The following SETD4 variants were observed in gnomAD, a reference collection of about 807,000 sequenced individuals.
The protein encoded by SETD4 is SET domain containing 4, also known as SET domain-containing protein 4.
Under a neutral mutation model 58.3 loss-of-function variants are expected in SETD4, and 46 were observed. The ratio of observed to expected loss-of-function variants is 0.79; its 90% CI spans 0.62 to 1.01. The LOEUF (loss-of-function observed/expected upper bound fraction) is 1.01, where lower values mean the gene tolerates loss of function less well. Among genes scored for constraint, SETD4 ranks in the 50% least tolerant of loss-of-function variants. SETD4 has a pLI of 0.00. For synonymous variants in SETD4, 190 were observed against 202.6 expected, an observed-to-expected ratio of 0.94 and a Z score of 0.53; for missense variants, 490 against 523.3, an observed-to-expected ratio of 0.94 and a Z score of 0.62.
At chr21:36,057,760 A>G (rs1321921837) in intron 2 of SETD4, among the ~76,000 whole-genome samples, 1 of 152,256 alleles carries the variant, frequency 6.6e-6, no homozygotes, top group Non-Finnish European at 1.5e-5. Flanking sequence ...ACAGACACAA[A>G]TAGGTCAAAG....
In SETD4 at chr21:36,041,656, G is replaced by A. The variant is rs1034620615; in HGVS notation, c.983+151C>T. On this transcript the variant is annotated intron_variant, in intron 8 of 11. Coordinates refer to ENST00000332131, the MANE Select transcript of SETD4 (RefSeq NM_017438.5). ...CCTTTTGTCCTCCACAACATCAAGC[G>A]CAGTTTTACTGCACATAGTAAGTGC... The A allele has an allele frequency of 4.4e-5, 25 of 571,476 alleles. 1 individual carries two copies. The highest frequency in any genetic ancestry group is 3.3e-4 in the South Asian group (17 of 50,956). 35.4% of individuals were successfully genotyped at this position (571,476 alleles called of 1,614,324 possible). A position where few individuals can be genotyped will look rare whatever the true frequency, so the allele number is the denominator to read the frequency against.
At chr21:36,057,275 A>G in intron 2 of SETD4, 71 bp from the exon 3 acceptor site, 1 of 1,119,318 alleles carries the variant, frequency 8.9e-7, no homozygotes, top group Non-Finnish European at 1.4e-6. Flanking sequence ...TTAAAAGAAC[A>G]TGTCTGATGA....
chr21:36,037,388 T>G (rs111442186), intron 10 of SETD4, among the ~76,000 whole-genome samples: 4,472 of 152,032 alleles, frequency 0.029, 102 homozygotes, highest in African/African-American at 0.067. Flanking sequence ...GCGGATCACC[T>G]GAGGTCAGGA....
intron 2 of SETD4, chr21:36,057,420 G>A (rs2065043444): frequency 8.5e-6 from 6 of 707,890 alleles, no homozygotes; most frequent in South Asian, 6.1e-5. Context: ...CAAGGCGGGA[G>A]GACTGCTTGA....
At chr21:36,059,165 A>C (rs2065146107) in intron 1 of SETD4, 1 of 301,462 alleles carries the variant, frequency 3.3e-6, no homozygotes, top group South Asian at 9.1e-5. Context: ...AGTCCCTCTA[A>C]AACAGTTTTA....
rs137945837 is a variant in SETD4 at position 36,050,259 on chromosome 21, T to C, written c.208-1863A>G. On this transcript the variant is annotated intron_variant, in intron 4 of 11. Coordinates refer to ENST00000332131, the MANE Select transcript of SETD4 (RefSeq NM_017438.5). Reference sequence around the variant, plus strand: ...TGCCAAGTTGTGGTTTTTGATAGATTGTCCCATCAGGGAAGACTATCCTCA... The same window carrying C: ...TGCCAAGTTGTGGTTTTTGATAGATCGTCCCATCAGGGAAGACTATCCTCA... 1.0e-4 allele frequency: 159 copies of C among 1,524,968 alleles called. No homozygotes were observed. In the East Asian group the frequency reaches 3.2e-3, roughly 31 times the overall value. 94.5% of individuals were successfully genotyped at this position (1,524,968 alleles called of 1,614,324 possible). A position where few individuals can be genotyped will look rare whatever the true frequency, so the allele number is the denominator to read the frequency against.
intron 2 of SETD4, among the ~76,000 whole-genome samples, chr21:36,057,649 T>C (rs764943641): frequency 8.5e-5 from 13 of 152,192 alleles, no homozygotes; most frequent in Non-Finnish European, 1.5e-4. Context: ...AAAATTCATG[T>C]GGAAATGTAA....
intron 9 of SETD4, among the ~76,000 whole-genome samples, chr21:36,039,108 G>C (rs1310912051): frequency 1.3e-5 from 2 of 152,194 alleles, no homozygotes; most frequent in Non-Finnish European, 2.9e-5. Context: ...CAGTTTCAGA[G>C]ATGACAGGTG....
At chr21:36,044,642 T>C (rs2064222964) in intron 6 of SETD4, among the ~76,000 whole-genome samples, 1 of 152,204 alleles carries the variant, frequency 6.6e-6, no homozygotes, top group Non-Finnish European at 1.5e-5. Context: ...GATACTTCTT[T>C]CTACAAAAGT....
intron 4 of SETD4, chr21:36,051,377 A>C (rs2064676023): frequency 1.3e-6 from 2 of 1,506,916 alleles, no homozygotes; most frequent in East Asian, 2.3e-5. Context: ...TGGTGGACTG[A>C]CTCCACTGGT....
rs371209531 is a variant in SETD4, at chr21:36,047,211, C to T, written c.296+1097G>A. Among the ~76,000 whole-genome samples, 13 of 152,206 alleles carry T rather than the reference C, an allele frequency of 8.5e-5. No individual in the cohort carries two copies. The East Asian group carries it at 1.2e-3, about 14-fold the overall frequency. ...TGGAGGTTGCAGGGAGCCAAGATCA[C>T]GCCACTGCACTTCAGCCTAGGCAAC... On this transcript the variant is annotated intron_variant, in intron 5 of 11. Coordinates refer to ENST00000332131, the MANE Select transcript of SETD4 (RefSeq NM_017438.5).
intron 5 of SETD4, among the ~76,000 whole-genome samples, chr21:36,047,633 T>C (rs2064394235): frequency 6.6e-6 from 1 of 152,054 alleles, no homozygotes; most frequent in African/African-American, 2.4e-5. Context: ...TGGATCGGGA[T>C]ATCATACCCA....
intron 4 of SETD4, 62 bp from the exon 5 acceptor site, chr21:36,048,458 G>T: frequency 6.9e-7 from 1 of 1,453,858 alleles, no homozygotes; most frequent in Non-Finnish European, 9.7e-7. Flanking sequence ...ATGAGTATGA[G>T]TCTTACAAAG....
At position 36,035,876 on chromosome 21, in the gene SETD4, G is replaced by A. The variant is rs2063759681; in HGVS notation, c.*117C>T. ...ACAGCCTCACAATCCCAGAACCTGTGCTGCCCCCTGCAGAAATCCTGCATG... is the reference window on the plus strand; with the variant it reads ...ACAGCCTCACAATCCCAGAACCTGTACTGCCCCCTGCAGAAATCCTGCATG... On this transcript the variant is annotated 3_prime_UTR_variant, in exon 12 of 12. Coordinates refer to ENST00000332131, the MANE Select transcript of SETD4 (RefSeq NM_017438.5). 2 of 524,614 alleles carry A rather than the reference G, an allele frequency of 3.8e-6. No individual in the cohort carries two copies. The highest frequency in any genetic ancestry group is 2.1e-5 in the South Asian group (1 of 48,452). The allele number at this position is 524,614 out of a possible 1,614,324, so 32.5% of individuals were successfully genotyped here.
At position 36,045,906 on chromosome 21, in the gene SETD4, G is replaced by C; in HGVS notation, c.402C>G (p.Pro134=). Residue 134 remains proline, a synonymous_variant, in exon 6 of 12, where the codon CCC becomes CCG. Transcript: ENST00000332131. ...AACAAACAGGGCAGGTATACGCCTT[G>C]GGTAAAATCTCCAGGTAAGGCTTCC... ...SLWKPYLEIL[P]KAYTCPVCLE... 6.2e-7 allele frequency: 1 copy of C among 1,614,194 alleles called. No individual in the cohort carries two copies. The highest frequency in any genetic ancestry group is 8.5e-7 in the Non-Finnish European group (1 of 1,180,032).
chr21:36,057,361 AT>A (rs751138650), intron 2 of SETD4, 157 bp from the exon 3 acceptor site: 10 of 739,086 alleles, frequency 1.4e-5, no homozygotes, highest in Admixed American at 2.0e-5. Context: ...AAAACACAGT[AT>A]TGGCCAGGCG....
intron 2 of SETD4, 140 bp downstream of exon 2, chr21:36,058,676 C>G: frequency 1.1e-6 from 1 of 930,078 alleles, no homozygotes; most frequent in Non-Finnish European, 1.6e-6. Flanking sequence ...CAAGATGACA[C>G]CACTGCACTC....
chr21:36,055,081 T>C (rs538750648), intron 3 of SETD4, among the ~76,000 whole-genome samples: 2 of 152,356 alleles, frequency 1.3e-5, no homozygotes, highest in East Asian at 1.9e-4. Context: ...TGTACCCCAT[T>C]GTGGAGTTAA....
intron 2 of SETD4, among the ~76,000 whole-genome samples, chr21:36,058,283 T>C (rs554033715): frequency 5.6e-4 from 85 of 152,048 alleles, no homozygotes; most frequent in Non-Finnish European, 1.0e-3. Context: ...GGAGGACCAC[T>C]CGAGCCCAGG....
Sources: gnomAD v4.1 joint callset for allele counts (sites outside exome capture counted in the v4.1 genomes callset) on GRCh38, gnomAD v4.1.1 for gene constraint, MANE v1.5 for transcripts, NCBI Gene and HGNC (gene_info 2026-07-23, HGNC 2026-07-21) for gene names.